The following FRMD3 variants were observed in gnomAD, a reference collection of about 807,000 sequenced individuals.
The protein encoded by FRMD3 is FERM domain containing 3, also known as FERM domain-containing protein 3.
Under a neutral mutation model 70.2 loss-of-function variants are expected in FRMD3, and 33 were observed. The observed-to-expected ratio is 0.47, with a 90% CI of 0.36 to 0.63. The LOEUF (loss-of-function observed/expected upper bound fraction) is 0.63. FRMD3 is among the 20% of genes least tolerant of loss of function. FRMD3 has a pLI of 0.00. For missense variants in FRMD3, 632 were observed against 711.4 expected (o/e 0.89, Z 1.27); for synonymous variants, 279 against 255.9 (o/e 1.09, Z -0.86).
chr9:83,488,076 C>T (rs1369257965), intron 1 of FRMD3, among the ~76,000 whole-genome samples: 2 of 152,116 alleles, frequency 1.3e-5, no homozygotes, highest in East Asian at 1.9e-4. Flanking sequence ...CCTATTTGCA[C>T]CTATTATGGA....
At chr9:83,446,622 G>C (rs1157681240) in intron 1 of FRMD3, among the ~76,000 whole-genome samples, 3 of 146,762 alleles carry the variant, frequency 2.0e-5, no homozygotes, top group Non-Finnish European at 4.5e-5. Flanking sequence ...ACTCCAGCCT[G>C]GGCGACAGAG....
the FRMD3 span, among the ~76,000 whole-genome samples, chr9:83,575,786 G>A: frequency 6.6e-6 from 1 of 152,164 alleles, no homozygotes; most frequent in Admixed American, 6.5e-5. Flanking sequence ...GAAAAGTACA[G>A]GCTCAGATAG....
rs551338700 is a variant in FRMD3 at position 83,274,928 on chromosome 9, C to T, written c.1195+15675G>A. 2.6e-5 allele frequency among the ~76,000 whole-genome samples: 4 copies of T among 152,246 alleles called. No individual in the cohort carries two copies. In the East Asian group the frequency reaches 7.7e-4, roughly 29 times the overall value. On this transcript the variant is annotated intron_variant, in intron 13 of 13. Coordinates refer to ENST00000304195, the MANE Select transcript of FRMD3 (RefSeq NM_174938.6). Reference sequence around the variant, plus strand: ...CATAGGACTCTGGTGTCTCAGTAGACGTGGAGTGTGGGGAAGGGTAACAAG... The same window carrying T: ...CATAGGACTCTGGTGTCTCAGTAGATGTGGAGTGTGGGGAAGGGTAACAAG...
At chr9:83,385,763 T>C (rs1176335149) in intron 2 of FRMD3, among the ~76,000 whole-genome samples, 1 of 152,166 alleles carries the variant, frequency 6.6e-6, no homozygotes, top group Non-Finnish European at 1.5e-5. Flanking sequence ...GTTGGTCAAT[T>C]AATATCTGTT....
chr9:83,438,925 C>G (rs989669800), intron 1 of FRMD3, among the ~76,000 whole-genome samples: 1 of 152,238 alleles, frequency 6.6e-6, no homozygotes, highest in Non-Finnish European at 1.5e-5. Context: ...CCGTAGGTCT[C>G]TCTCCAGAGA....
chr9:83,350,193 A>G (rs921267683), intron 3 of FRMD3, among the ~76,000 whole-genome samples: 18 of 152,320 alleles, frequency 1.2e-4, no homozygotes, highest in African/African-American at 4.3e-4. Flanking sequence ...GTCACTGCAC[A>G]TGACTAGTTT....
At chr9:83,243,361 A>C, downstream of FRMD3, 1 of 793,628 alleles carries the variant, frequency 1.3e-6, no homozygotes, top group Non-Finnish European at 2.1e-6. Flanking sequence ...AACCACAACC[A>C]TCCCAGAAGT....
intron 4 of FRMD3, among the ~76,000 whole-genome samples, chr9:83,349,265 G>A (rs758126811): frequency 3.3e-5 from 5 of 152,100 alleles, no homozygotes; most frequent in East Asian, 1.9e-4. Flanking sequence ...TTCAGCAAGC[G>A]GAAGGCAGGA....
chr9:83,550,418 T>G, the FRMD3 span, among the ~76,000 whole-genome samples: 1 of 152,202 alleles, frequency 6.6e-6, no homozygotes, highest in Admixed American at 6.6e-5. Context: ...AGGATTGCCT[T>G]GGCTATTTGG....
chr9:83,356,420 C>T (rs1180620659), intron 3 of FRMD3, among the ~76,000 whole-genome samples: 1 of 151,784 alleles, frequency 6.6e-6, no homozygotes, highest in South Asian at 2.1e-4. Flanking sequence ...GGACTACAGG[C>T]ACCCGCCACC....
At position 83,538,170 on chromosome 9, in the gene FRMD3, C is replaced by T. The variant is rs1361573970; in HGVS notation, c.62G>A (p.Arg21Gln). The T allele has an allele frequency of 5.6e-6, 9 of 1,611,480 alleles. No homozygotes were observed. The highest frequency in any genetic ancestry group is 5.9e-6 in the Non-Finnish European group (7 of 1,178,904). ...GRRTMKMIHF[R>Q]SSSVKSLSQE... The stretch of plus-strand genomic sequence containing the variant: ...GCTGAGCGATTTGACGCTGGAGCTC[C>T]GAAAGTGGATCATTTTCATGGTCCT... The change falls in exon 1 of 14, where the codon CGG becomes CAG. Residue 21 changes from arginine (R) to glutamine (Q), a missense_variant. By Grantham distance (43) the Arg-to-Gln change is conservative. Around this residue, in one of 3 missense-constraint regions of FRMD3, gnomAD observed 208 missense variants for 247.7 expected, o/e 0.84. Coordinates refer to ENST00000304195, the MANE Select transcript of FRMD3 (RefSeq NM_174938.6). This position sits in a 1 kb window ranked among gnomAD's most constrained non-coding sequence, Gnocchi z 4.7.
chr9:83,533,555 C>A (rs1050775861), intron 1 of FRMD3, among the ~76,000 whole-genome samples: 1 of 152,140 alleles, frequency 6.6e-6, no homozygotes, highest in Non-Finnish European at 1.5e-5. Context: ...ATCTGATTCC[C>A]GATCTAATGC....
intron 12 of FRMD3, 86 bp downstream of exon 12, chr9:83,298,662 A>T: frequency 2.0e-6 from 2 of 984,712 alleles, no homozygotes; most frequent in East Asian, 4.8e-5. Context: ...TTAATGCTGT[A>T]TGTCACTACA....
intron 1 of FRMD3, among the ~76,000 whole-genome samples, chr9:83,450,458 CTAA>C (rs1415623357): frequency 1.3e-5 from 2 of 151,088 alleles, no homozygotes; most frequent in Admixed American, 6.6e-5. Context: ...GCTGCACCCA[CTAA>C]TGTGTCATCT....
At chr9:83,443,183 C>A (rs990220024) in intron 1 of FRMD3, among the ~76,000 whole-genome samples, 4 of 152,100 alleles carry the variant, frequency 2.6e-5, no homozygotes, top group African/African-American at 4.8e-5. Flanking sequence ...TATACATGTG[C>A]ACAATGTGCA....
intron 1 of FRMD3, among the ~76,000 whole-genome samples, chr9:83,435,473 G>T (rs1380642802): frequency 6.6e-6 from 1 of 151,950 alleles, no homozygotes; most frequent in Non-Finnish European, 1.5e-5. Flanking sequence ...CCTCACTAGG[G>T]CATCATCTGG....
At chr9:83,581,846 A>G in the FRMD3 span, among the ~76,000 whole-genome samples, 1 of 152,240 alleles carries the variant, frequency 6.6e-6, no homozygotes, top group South Asian at 2.1e-4. Context: ...CACATAGTGT[A>G]TGAATTCTTT....
At chr9:83,282,650 T>C (rs1195463120) in intron 13 of FRMD3, among the ~76,000 whole-genome samples, 1 of 151,840 alleles carries the variant, frequency 6.6e-6, no homozygotes, top group African/African-American at 2.4e-5. Context: ...ATGAGGAAAA[T>C]GAAGCTCTGA....
chr9:83,351,652 G>C (rs1305955477), intron 3 of FRMD3, among the ~76,000 whole-genome samples: 2 of 151,668 alleles, frequency 1.3e-5, no homozygotes, highest in Non-Finnish European at 2.9e-5. Context: ...AATAGAGATA[G>C]ATAGAGATAG....
Sources: allele counts gnomAD v4.1 joint callset (sites outside exome capture counted in the v4.1 genomes callset), GRCh38; gene constraint gnomAD v4.1.1; regional missense constraint gnomAD v4.1.1; non-coding constraint Gnocchi (gnomAD v3.1); transcripts MANE v1.5; gene names NCBI Gene and HGNC (gene_info 2026-07-23, HGNC 2026-07-21).